The following PCDHA2 variants were observed in gnomAD, a reference collection of about 807,000 sequenced individuals.
The protein encoded by PCDHA2 is protocadherin alpha 2.
Under a neutral mutation model 66.0 loss-of-function variants are expected in PCDHA2, and 58 were observed. The observed-to-expected ratio is 0.88, with a 90% CI of 0.71 to 1.09. The LOEUF is 1.09. Among genes scored for constraint, PCDHA2 ranks in the 50% least tolerant of loss-of-function variants. The pLI, the probability that PCDHA2 is intolerant of heterozygous loss-of-function variation, is 0.00. For synonymous variants in PCDHA2, 634 were observed against 554.0 expected, an observed-to-expected ratio of 1.14 and a Z score of -2.03; for missense variants, 1,267 against 1,242.3, an observed-to-expected ratio of 1.02 and a Z score of -0.30.
At chr5:140,808,592 C>T (rs868962455) in intron 1 of PCDHA2, 4 of 1,613,970 alleles carry the variant, frequency 2.5e-6, no homozygotes, top group Non-Finnish European at 2.5e-6. Flanking sequence ...GGAGAACAAC[C>T]CGCCGGGCTG....
Position 140,796,247 on chromosome 5 carries a change from G to C in PCDHA2, c.1283G>C (p.Arg428Pro), listed in dbSNP as rs148429256. 7 of 1,614,156 alleles carry C rather than the reference G, an allele frequency of 4.3e-6. No individual in the cohort carries two copies. The highest frequency in any genetic ancestry group is 2.2e-5 in the South Asian group (2 of 91,076). ...GCCTATGAGCTGGTGGTGACCGCAC[G>C]GGACGGGGGCTCGCCTTCACTGTGG... ...VSAYELVVTARDGGSPSLWAT... is the reference protein window; with the variant it reads ...VSAYELVVTAPDGGSPSLWAT... The change falls in exon 1 of 4, where the codon CGG becomes CCG. Residue 428 changes from arginine to proline, a missense_variant. Transcript: ENST00000526136.
rs781930925 is a variant in PCDHA2 at position 140,797,047 on chromosome 5, G to T, written c.2083G>T (p.Asp695Tyr). ...GAAGSEATLV[D>Y]VNVYLIIAIC... ...CGCGGGCTCAGAGGCTACGCTGGTG[G>T]ATGTCAACGTGTACCTGATCATCGC... The change falls in exon 1 of 4, where the codon GAT becomes TAT. Residue 695 changes from aspartate to tyrosine, a missense_variant. By Grantham distance (160) the Asp-to-Tyr change is radical (BLOSUM62 -3). Coordinates refer to ENST00000526136, the MANE Select transcript of PCDHA2 (RefSeq NM_018905.3). The T allele has an allele frequency of 2.5e-6, 4 of 1,613,754 alleles. 1 individual carries two copies. The South Asian group carries it at 4.4e-5, about 18-fold the overall frequency.
chr5:140,883,330 T>G, intron 1 of PCDHA2: 3 of 1,614,182 alleles, frequency 1.9e-6, no homozygotes, highest in Middle Eastern at 1.6e-4. Flanking sequence ...CCATCACTTC[T>G]TTGTCACTCC....
At chr5:140,842,951 C>A (rs2150348628) in intron 1 of PCDHA2, 3 of 1,594,846 alleles carry the variant, frequency 1.9e-6, no homozygotes, top group Non-Finnish European at 2.6e-6. Context: ...GGGCGTGCCG[C>A]CTCTGGGCAG....
At chr5:140,952,479 A>C (rs246034) in intron 1 of PCDHA2, among the ~76,000 whole-genome samples, 85,668 of 152,018 alleles carry the variant, frequency 0.56, 24,767 homozygotes, top group African/African-American at 0.69. Flanking sequence ...GGAAAGTGAC[A>C]TTTGCTCCAG....
Position 140,796,453 on chromosome 5 carries a change from C to G in PCDHA2, c.1489C>G (p.Arg497Gly), listed in dbSNP as rs994374516. The G allele has an allele frequency of 6.2e-7, 1 of 1,612,820 alleles. No homozygotes were observed. The highest frequency in any genetic ancestry group is 1.3e-5 in the African/African-American group (1 of 74,912). ...GCTGGTGTCCTACTCGCTGGTGGAG[C>G]GGCGGGTGGGCGAGCGCGCGTTGTC... ...NALVSYSLVE[R>G]RVGERALSSY... Residue 497 changes from arginine (R) to glycine (G), a missense_variant, in exon 1 of 4, where the codon CGG (arginine) becomes GGG (glycine). Arg to Gly is a moderately radical substitution (Grantham distance 125). Coordinates refer to ENST00000526136, the MANE Select transcript of PCDHA2 (RefSeq NM_018905.3).
intron 1 of PCDHA2, chr5:140,875,968 T>C (rs1554168125): frequency 2.5e-6 from 4 of 1,614,024 alleles, no homozygotes; most frequent in Non-Finnish European, 3.4e-6. Flanking sequence ...CGGCGTAAAC[T>C]CTCTTTTGAC....
intron 1 of PCDHA2, among the ~76,000 whole-genome samples, chr5:140,831,826 A>G (rs1029398204): frequency 6.6e-6 from 1 of 152,198 alleles, no homozygotes; most frequent in African/African-American, 2.4e-5. Context: ...GATAAACACT[A>G]GTTTCAATGA....
chr5:140,835,664 G>C, intron 1 of PCDHA2: 7 of 1,613,934 alleles, frequency 4.3e-6, no homozygotes, highest in Non-Finnish European at 5.9e-6. Flanking sequence ...TGGTTACCGC[G>C]CGGGACGGGG....
rs2150435239 is a variant in PCDHA2, at chr5:140,849,330, T to C, written c.2388+51978T>C. On this transcript the variant is annotated intron_variant, in intron 1 of 3. Transcript: ENST00000526136. Reference sequence around the variant, plus strand: ...CGAAGGCTTGAATGGGGATATTATTTACTCCTTCTCCAGTGATGTTTCTCC... The same window carrying C: ...CGAAGGCTTGAATGGGGATATTATTCACTCCTTCTCCAGTGATGTTTCTCC... 7 of 1,375,184 alleles carry C rather than the reference T, an allele frequency of 5.1e-6. No individual in the cohort carries two copies. In the South Asian group the frequency reaches 8.9e-5, roughly 17 times the overall value. 85.2% of individuals were successfully genotyped at this position (1,375,184 alleles called of 1,614,324 possible).
intron 1 of PCDHA2, among the ~76,000 whole-genome samples, chr5:140,900,519 T>G (rs1264399196): frequency 6.6e-6 from 1 of 152,224 alleles, no homozygotes; most frequent in East Asian, 1.9e-4. Flanking sequence ...TCAGGTGATC[T>G]GCCCACCTCG....
chr5:140,938,455 T>C (rs1317742854), intron 1 of PCDHA2, among the ~76,000 whole-genome samples: 1 of 152,196 alleles, frequency 6.6e-6, no homozygotes, highest in East Asian at 1.9e-4. Flanking sequence ...TTCCCTTTGT[T>C]TTTTAATTTA....
At chr5:140,877,838 A>G (rs1395855806) in intron 1 of PCDHA2, 16 of 1,583,236 alleles carry the variant, frequency 1.0e-5, no homozygotes, top group Non-Finnish European at 1.4e-5. Flanking sequence ...CCTCCCAGTG[A>G]AGTAAGTTAT....
At chr5:140,848,419 T>C in intron 1 of PCDHA2, 1 of 1,412,874 alleles carries the variant, frequency 7.1e-7, no homozygotes, top group Non-Finnish European at 9.7e-7. Context: ...CACAGCAGAA[T>C]GGGACTGACG....
chr5:140,802,379 C>T (rs781889429), intron 1 of PCDHA2: 4 of 1,614,152 alleles, frequency 2.5e-6, no homozygotes, highest in East Asian at 4.5e-5. Flanking sequence ...CCCACGTCCC[C>T]TTCAAGCTGG....
chr5:140,850,416 G>T, intron 1 of PCDHA2: 1 of 1,598,000 alleles, frequency 6.3e-7, no homozygotes, highest in Non-Finnish European at 8.6e-7. Flanking sequence ...GGACGAAACG[G>T]ACGCACCGCG....
intron 1 of PCDHA2, chr5:140,849,218 G>T: frequency 9.6e-7 from 1 of 1,040,734 alleles, no homozygotes; most frequent in South Asian, 1.6e-5. Context: ...ATGCCCCAGT[G>T]TTCGACAGAA....
At chr5:140,823,760 C>T (rs2150128884) in intron 1 of PCDHA2, 2 of 1,613,900 alleles carry the variant, frequency 1.2e-6, no homozygotes, top group East Asian at 2.2e-5. Context: ...ACAGCCACAG[C>T]CACAGTGCTG....
rs1266329271 is a variant in PCDHA2 at position 140,801,318 on chromosome 5, C to T, written c.2388+3966C>T. 1.9e-6 allele frequency: 3 copies of T among 1,613,344 alleles called. No homozygotes were observed. The East Asian group carries it at 6.7e-5, about 36-fold the overall frequency. ...CTACTCCGTCTCTGAGGAGGCCAAG[C>T]ATGGCACCTTCGTGGGCCGCATCGC... On this transcript the variant is annotated intron_variant, in intron 1 of 3. Coordinates refer to ENST00000526136, the MANE Select transcript of PCDHA2 (RefSeq NM_018905.3).
Sources: allele counts gnomAD v4.1 joint callset (sites outside exome capture counted in the v4.1 genomes callset), GRCh38; gene constraint gnomAD v4.1.1; transcripts MANE v1.5; gene names NCBI Gene and HGNC (gene_info 2026-07-23, HGNC 2026-07-21).